The following ANKRD62 variants were observed in gnomAD, a reference collection of about 807,000 sequenced individuals.
ANKRD62 encodes the protein ankyrin repeat domain 62.
ANKRD62 carries 61 observed loss-of-function variants against 98.8 expected under a neutral mutation model. The ratio of observed to expected loss-of-function variants is 0.62; its 90% confidence interval spans 0.50 to 0.76. The LOEUF (loss-of-function observed/expected upper bound fraction) is 0.76, where lower values mean the gene tolerates loss of function less well. ANKRD62 is among the 30% of genes least tolerant of loss of function. The probability of loss-of-function intolerance (pLI) is 0.00; values close to 1 mark genes in which losing one functional copy is unlikely to be tolerated. For synonymous variants in ANKRD62, 341 were observed against 367.9 expected (o/e 0.93, Z 0.84); for missense variants, 933 against 1,082.9 (o/e 0.86, Z 1.94).
At chr18:12,132,566 G>C (rs1032413475), downstream of ANKRD62, among the ~76,000 whole-genome samples, 2 of 151,992 alleles carry the variant, frequency 1.3e-5, no homozygotes, top group African/African-American at 4.8e-5. Context: ...CGATCTTCGG[G>C]GAAAGCATTC....
chr18:12,175,792 G>A, the ANKRD62 span, among the ~76,000 whole-genome samples: 1 of 151,930 alleles, frequency 6.6e-6, no homozygotes, highest in Non-Finnish European at 1.5e-5. Context: ...ATTTGTTTTT[G>A]CCTTGCATGG....
chr18:12,150,173 C>G, the ANKRD62 span, among the ~76,000 whole-genome samples: 1 of 152,136 alleles, frequency 6.6e-6, no homozygotes, highest in East Asian at 1.9e-4. Context: ...CAAGTATTAA[C>G]AGGAGAATAA....
At chr18:12,181,419 A>C in the ANKRD62 span, among the ~76,000 whole-genome samples, 1 of 152,242 alleles carries the variant, frequency 6.6e-6, no homozygotes, top group Non-Finnish European at 1.5e-5. Flanking sequence ...TAAATGACTT[A>C]TTGCAACCAT....
chr18:12,134,677 A>G (rs1426432249), downstream of ANKRD62, among the ~76,000 whole-genome samples: 1 of 152,134 alleles, frequency 6.6e-6, no homozygotes, highest in African/African-American at 2.4e-5. Flanking sequence ...TTCCAGCTTC[A>G]TCCATGTCCC....
chr18:12,141,574 TTTCCTTGCATTAGGTATTGCCATC>T, the ANKRD62 span, among the ~76,000 whole-genome samples: 1 of 142,170 alleles, frequency 7.0e-6, no homozygotes, highest in Non-Finnish European at 1.5e-5. Context: ...TGACTCTCGG[TTTCCTTGCATTAGGTATTGCCATC>T]TTCCTGAATC....
At chr18:12,170,165 C>T in the ANKRD62 span, among the ~76,000 whole-genome samples, 1 of 152,198 alleles carries the variant, frequency 6.6e-6, no homozygotes, top group East Asian at 1.9e-4. Flanking sequence ...TTCTTGCCTT[C>T]TGCTAGCTTT....
chr18:12,146,260 C>G, the ANKRD62 span, among the ~76,000 whole-genome samples: 1 of 152,202 alleles, frequency 6.6e-6, no homozygotes, highest in Non-Finnish European at 1.5e-5. Flanking sequence ...ATTCCTTGGC[C>G]GGCAGACATC....
intron 12 of ANKRD62, among the ~76,000 whole-genome samples, 196 bp from the exon 13 acceptor site, chr18:12,125,264 T>A (rs1362253211): frequency 6.6e-6 from 1 of 152,150 alleles, no homozygotes; most frequent in Non-Finnish European, 1.5e-5. Flanking sequence ...TGTCTTCAAA[T>A]ACGTTTTTGA....
At position 12,127,762 on chromosome 18, in the gene ANKRD62, G is replaced by A; in HGVS notation, c.2577G>A (p.Gln859=). The change falls in exon 14 of 14, where the codon CAG becomes CAA. Residue 859 remains glutamine (Q), a synonymous_variant. Coordinates refer to ENST00000587848, the MANE Select transcript of ANKRD62 (RefSeq NM_001277333.2). ...CATCTTACCAGGTAGTCAGGAGACA[G>A]CTTCAACGAGAAGTGGATGATGCCC... ...EKEEREVVRR[Q]LQREVDDALN... is the part of the protein sequence containing the mutation. 1 of 1,422,958 alleles carries A rather than the reference G, an allele frequency of 7.0e-7. No homozygotes were observed. The highest frequency in any genetic ancestry group is 9.1e-7 in the Non-Finnish European group (1 of 1,094,564). 88.1% of individuals were successfully genotyped at this position (1,422,958 alleles called of 1,614,324 possible). A position where few individuals can be genotyped will look rare whatever the true frequency, so the allele number is the denominator to read the frequency against.
chr18:12,171,486 A>G, the ANKRD62 span, among the ~76,000 whole-genome samples: 1,340 of 152,208 alleles, frequency 8.8e-3, 11 homozygotes, highest in Middle Eastern at 0.02. Context: ...TCTGGCTTGT[A>G]GGGTTTCTGC....
Position 12,102,179 on chromosome 18 carries a change from T to C in ANKRD62, c.821-979T>C, listed in dbSNP as rs1042563888. On this transcript the variant is annotated intron_variant, in intron 6 of 13. Transcript: ENST00000587848. Reference sequence around the variant, plus strand: ...CCCGAGTAACTATGAAGAGTGAGGGTTGCAGCAAGGAGTAGAGTCCGTCAC... The same window carrying C: ...CCCGAGTAACTATGAAGAGTGAGGGCTGCAGCAAGGAGTAGAGTCCGTCAC... 15 of 923,206 alleles carry C rather than the reference T, an allele frequency of 1.6e-5. 1 individual carries two copies. Among genetic ancestry groups the C allele is most frequent in the South Asian group, 3.9e-5 (3 of 77,242 alleles). The allele number at this position is 923,206 out of a possible 1,614,324, so 57.2% of individuals were successfully genotyped here.
At chr18:12,138,184 G>C in the ANKRD62 span, among the ~76,000 whole-genome samples, 1 of 152,098 alleles carries the variant, frequency 6.6e-6, no homozygotes, top group Admixed American at 6.6e-5. Context: ...TGGGCATTTA[G>C]TGCTATAAAT....
At chr18:12,126,436 A>C in intron 13 of ANKRD62, 53 bp downstream of exon 13, 1 of 1,363,830 alleles carries the variant, frequency 7.3e-7, no homozygotes, top group Non-Finnish European at 9.8e-7. Context: ...TAAAATTTAA[A>C]GTATATTTGG....
intron 8 of ANKRD62, among the ~76,000 whole-genome samples, chr18:12,109,962 A>C (rs563883888): frequency 6.7e-4 from 102 of 151,974 alleles, no homozygotes; most frequent in African/African-American, 2.3e-3. Flanking sequence ...AAAAAAAAAA[A>C]AAAAAAAAAC....
At chr18:12,115,732 T>C (rs989661102) in intron 10 of ANKRD62, among the ~76,000 whole-genome samples, 198 bp downstream of exon 10, 2 of 152,148 alleles carry the variant, frequency 1.3e-5, no homozygotes, top group Non-Finnish European at 2.9e-5. Flanking sequence ...CCACTGTACC[T>C]TTCTCAGTGT....
Position 12,094,010 on chromosome 18 carries a change from GCT to G in ANKRD62, c.-7_-6del. 1 of 1,534,756 alleles carries G rather than the reference GCT, an allele frequency of 6.5e-7. No homozygotes were observed. The highest frequency in any genetic ancestry group is 2.5e-5 in the East Asian group (1 of 40,682). Reference sequence around the variant, plus strand: ...TCCTCAGCCTGGGAGAAGATCTCTGGCTTCAGGATGGAGGTCAGGGGGTCGTT... The same window carrying G: ...TCCTCAGCCTGGGAGAAGATCTCTGGTCAGGATGGAGGTCAGGGGGTCGTT... On this transcript the variant is annotated 5_prime_UTR_variant, in exon 1 of 14. Coordinates refer to ENST00000587848, the MANE Select transcript of ANKRD62 (RefSeq NM_001277333.2).
chr18:12,118,051 T>A (rs1909702791), intron 10 of ANKRD62, among the ~76,000 whole-genome samples: 2 of 152,200 alleles, frequency 1.3e-5, no homozygotes, highest in African/African-American at 4.8e-5. Flanking sequence ...CTGTAATGGA[T>A]GAGCCTACAT....
intron 8 of ANKRD62, among the ~76,000 whole-genome samples, chr18:12,110,534 A>G (rs1265259798): frequency 6.6e-6 from 1 of 152,210 alleles, no homozygotes; most frequent in Non-Finnish European, 1.5e-5. Context: ...ATACAGCTGA[A>G]CAAGAAGAAA....
At chr18:12,111,202 T>C (rs1909530226) in intron 8 of ANKRD62, among the ~76,000 whole-genome samples, 1 of 151,400 alleles carries the variant, frequency 6.6e-6, no homozygotes, top group African/African-American at 2.4e-5. Context: ...TGAGCCAAGA[T>C]TGCACCACTG....
Sources: allele counts gnomAD v4.1 joint callset (sites outside exome capture counted in the v4.1 genomes callset), GRCh38; gene constraint gnomAD v4.1.1; transcripts MANE v1.5; gene names NCBI Gene and HGNC (gene_info 2026-07-23, HGNC 2026-07-21).